HFM1: variants seen among roughly 807,000 people sequenced by gnomAD.
HFM1 encodes helicase for meiosis 1.
A neutral mutation model predicts 192.1 loss-of-function variants in HFM1; 169 were observed. That is an observed-to-expected ratio of 0.88 (90% CI 0.78 to 1.00). HFM1 has a LOEUF of 1.00. HFM1 is among the 50% of genes least tolerant of loss of function. The pLI is 0.00. For synonymous variants in HFM1, 525 were observed against 537.8 expected, an observed-to-expected ratio of 0.98 and a Z score of 0.33; for missense variants, 1,661 against 1,668.0, an observed-to-expected ratio of 1.00 and a Z score of 0.07.
intron 30 of HFM1, among the ~76,000 whole-genome samples, chr1:91,307,277 G>A (rs1261957593): frequency 4.6e-5 from 7 of 151,522 alleles, no homozygotes; most frequent in South Asian, 2.1e-4. Context: ...TTTTTGCTTT[G>A]CATTTTATTT....
intron 4 of HFM1, among the ~76,000 whole-genome samples, chr1:91,391,518 A>C (rs913240977): frequency 2.6e-5 from 4 of 152,256 alleles, no homozygotes; most frequent in Admixed American, 6.5e-5. Flanking sequence ...TCCCTATTTA[A>C]TAAATGGTGC....
chr1:91,277,856 A>G (rs1667058250), intron 30 of HFM1, among the ~76,000 whole-genome samples: 1 of 114,104 alleles, frequency 8.8e-6, no homozygotes, highest in Non-Finnish European at 1.7e-5. Flanking sequence ...TATATATTAT[A>G]TATACTTTAT....
In HFM1 at chr1:91,375,513, T is replaced by G; in HGVS notation, c.1596+14A>C. On this transcript the variant is annotated intron_variant, in intron 12 of 38. Coordinates refer to ENST00000370425, the MANE Select transcript of HFM1 (RefSeq NM_001017975.6). ...ACTGAATATACTAAAAAATAAGCTA[T>G]CAACAATCCATACCACAAGTGTGGG... 6.2e-7 allele frequency: 1 copy of G among 1,611,914 alleles called. No homozygotes were observed. The highest frequency in any genetic ancestry group is 8.5e-7 in the Non-Finnish European group (1 of 1,178,310).
At chr1:91,342,671 T>C (rs555974824) in intron 20 of HFM1, among the ~76,000 whole-genome samples, 1 of 152,374 alleles carries the variant, frequency 6.6e-6, no homozygotes, top group South Asian at 2.1e-4. Flanking sequence ...TAAAGTTGTA[T>C]GCTTTTCTCT....
chr1:91,398,098 T>C (rs891529864), intron 2 of HFM1, among the ~76,000 whole-genome samples: 1 of 152,214 alleles, frequency 6.6e-6, no homozygotes, highest in African/African-American at 2.4e-5. Context: ...TCTCAGACTC[T>C]AGCCAAAGCC....
intron 30 of HFM1, among the ~76,000 whole-genome samples, chr1:91,287,209 C>G (rs760820096): frequency 9.2e-5 from 14 of 152,172 alleles, no homozygotes; most frequent in South Asian, 2.1e-4. Flanking sequence ...CTGGGGGCAG[C>G]GCACAGGCAA....
At chr1:91,345,771 C>A (rs1255885093) in intron 19 of HFM1, among the ~76,000 whole-genome samples, 1 of 152,116 alleles carries the variant, frequency 6.6e-6, no homozygotes, top group African/African-American at 2.4e-5. Context: ...GTGGAATGGT[C>A]CTGTCTCATA....
At chr1:91,328,381 A>G in intron 20 of HFM1, 2 of 1,577,364 alleles carry the variant, frequency 1.3e-6, no homozygotes, top group African/African-American at 2.7e-5. Context: ...CTGTGTTGCC[A>G]TGGGTATTCA....
intron 4 of HFM1, among the ~76,000 whole-genome samples, chr1:91,390,341 C>CAGG (rs1481857716): frequency 6.6e-6 from 1 of 150,830 alleles, no homozygotes; most frequent in Non-Finnish European, 1.5e-5. Context: ...GAGGCTGAGG[C>CAGG]AGGAGAATTG....
At chr1:91,303,838 A>G (rs993220363) in intron 30 of HFM1, among the ~76,000 whole-genome samples, 7 of 152,016 alleles carry the variant, frequency 4.6e-5, no homozygotes, top group African/African-American at 1.7e-4. Flanking sequence ...AGATCCCTTG[A>G]CTAGTTTTAT....
intron 20 of HFM1, among the ~76,000 whole-genome samples, chr1:91,326,859 G>A (rs1034753019): frequency 6.6e-6 from 1 of 152,186 alleles, no homozygotes; most frequent in East Asian, 1.9e-4. Context: ...AAGGTAAAAA[G>A]CATGGGGATG....
At chr1:91,347,591 T>C (rs973288341) in intron 18 of HFM1, 115 bp from the exon 19 acceptor site, 23 of 511,744 alleles carry the variant, frequency 4.5e-5, no homozygotes, top group African/African-American at 4.4e-4. Context: ...AAAAAAAATC[T>C]CAGCTGATTG....
chr1:91,399,314 T>G (rs1364516105), intron 2 of HFM1, among the ~76,000 whole-genome samples: 1 of 152,012 alleles, frequency 6.6e-6, no homozygotes, highest in Non-Finnish European at 1.5e-5. Context: ...GAGAAACAGA[T>G]AAGCAAATGG....
rs1665128486 is a variant in HFM1 at position 91,261,261 on chromosome 1, CTT to C, written c.*27_*28del. The C allele has an allele frequency of 3.1e-6, 3 of 969,596 alleles. No individual in the cohort carries two copies. Among genetic ancestry groups the C allele is most frequent in the Non-Finnish European group, 4.3e-6 (3 of 702,402 alleles). 60.1% of individuals were successfully genotyped at this position (969,596 alleles called of 1,614,324 possible). A position where few individuals can be genotyped will look rare whatever the true frequency, so the allele number is the denominator to read the frequency against. On this transcript the variant is annotated 3_prime_UTR_variant, in exon 39 of 39. Coordinates refer to ENST00000370425, the MANE Select transcript of HFM1 (RefSeq NM_001017975.6). ...GTGATTAGGTGTCTTTATTCTTTCT[CTT>C]ATCAATATAAAAAGTATTTGTTTGT...
In HFM1 at chr1:91,332,821, T is replaced by C. The variant is rs547571170; in HGVS notation, c.2336-8055A>G. ...AATCAACATTTCTCAAAAGAAGACA[T>C]ACAAACAGCAAACAGGCATATGAAA... is the stretch of plus-strand genomic sequence containing the variant. On this transcript the variant is annotated intron_variant, in intron 20 of 38. Transcript: ENST00000370425. 1.9e-4 allele frequency among the ~76,000 whole-genome samples: 29 copies of C among 152,234 alleles called. No individual in the cohort carries two copies. The South Asian group carries it at 5.6e-3, about 29-fold the overall frequency.
chr1:91,279,885 T>C (rs1667304985), intron 30 of HFM1, among the ~76,000 whole-genome samples: 1 of 152,026 alleles, frequency 6.6e-6, no homozygotes, highest in African/African-American at 2.4e-5. Flanking sequence ...AGAAAAAACA[T>C]AGTGGTGAAG....
intron 13 of HFM1, among the ~76,000 whole-genome samples, chr1:91,375,008 A>T (rs963041438): frequency 6.6e-6 from 1 of 152,128 alleles, no homozygotes; most frequent in African/African-American, 2.4e-5. Context: ...TCATGGAAGC[A>T]CAGAGTCCAG....
chr1:91,398,065 A>G (rs282006), intron 2 of HFM1, among the ~76,000 whole-genome samples: 152,156 of 152,332 alleles, frequency 1, 75,990 homozygotes, highest in Non-Finnish European at 1. Flanking sequence ...AGTTAATGGA[A>G]GGGATCTTCC....
At chr1:91,392,417 T>TA (rs1371205415) in intron 4 of HFM1, among the ~76,000 whole-genome samples, 1 of 152,130 alleles carries the variant, frequency 6.6e-6, no homozygotes, top group Admixed American at 6.5e-5. Flanking sequence ...TATGCAGCCA[T>TA]AAAAAAGGAT....
Sources: allele counts gnomAD v4.1 joint callset (sites outside exome capture counted in the v4.1 genomes callset), GRCh38; gene constraint gnomAD v4.1.1; transcripts MANE v1.5; gene names NCBI Gene and HGNC (gene_info 2026-07-23, HGNC 2026-07-21).